The following ARHGDIG variants were observed in gnomAD, a reference collection of about 807,000 sequenced individuals.
ARHGDIG encodes the protein rho GDP-dissociation inhibitor 3.
ARHGDIG carries 14 observed loss-of-function variants against 20.2 expected under a neutral mutation model. The ratio of observed to expected loss-of-function variants is 0.69; its 90% confidence interval spans 0.46 to 1.08. The LOEUF is 1.08. ARHGDIG is among the 50% of genes least tolerant of loss of function. The pLI, the probability that ARHGDIG is intolerant of heterozygous loss-of-function variation, is 0.00. For synonymous variants in ARHGDIG, 193 were observed against 138.6 expected (o/e 1.39, Z -2.76); for missense variants, 311 against 301.8 (o/e 1.03, Z -0.23).
Position 280,964 on chromosome 16 carries a change from C to T in ARHGDIG, c.73+211C>T, listed in dbSNP as rs1246336840. 8.3e-6 allele frequency: 2 copies of T among 239,588 alleles called. No individual in the cohort carries two copies. Among genetic ancestry groups the T allele is most frequent in the African/African-American group, 2.3e-5 (1 of 43,180 alleles). 14.8% of individuals were successfully genotyped at this position (239,588 alleles called of 1,614,324 possible). ...GACGGGTCGGCTTGGGAAGCGGCGG[C>T]GCTGGGACCCTCTCCCCCTGGACAC... is the stretch of plus-strand genomic sequence containing the variant. On this transcript the variant is annotated intron_variant, in intron 1 of 5. Transcript: ENST00000219409. The surrounding 1 kb of genome is among the most constrained non-coding windows in gnomAD (Gnocchi z 6.6).
At position 282,065 on chromosome 16, in the gene ARHGDIG, C is replaced by T. The variant is rs1011757083; in HGVS notation, c.294C>T (p.Leu98=). 1 of 1,612,862 alleles carries T rather than the reference C, an allele frequency of 6.2e-7. No homozygotes were observed. The highest frequency in any genetic ancestry group is 1.1e-5 in the South Asian group (1 of 91,080). The part of the protein sequence containing the change: ...LPNVQVTRLT[L]LSEQAPGPVV... ...ATGTGCAGGTGACCAGGCTGACACT[C>T]CTGTCGGAACAGGCTCCGGGGCCCG... Residue 98 remains leucine (L), a synonymous_variant, in exon 3 of 6, where the codon CTC becomes CTT. Coordinates refer to ENST00000219409, the MANE Select transcript of ARHGDIG (RefSeq NM_001176.4).
chr16:281,871 A>G lies in ARHGDIG; in HGVS notation c.199A>G (p.Arg67Gly), dbSNP rs1242401667. The change falls in exon 2 of 6, where the codon AGG (arginine) becomes GGG (glycine). Residue 67 changes from arginine (R) to glycine (G), a missense_variant. By Grantham distance (125) the Arg-to-Gly change is moderately radical. Coordinates refer to ENST00000219409, the MANE Select transcript of ARHGDIG (RefSeq NM_001176.4). ...LEIRQLDPDD[R>G]SLAKYKRVLL... ...GATCCGGCAGCTGGACCCGGACGAC[A>G]GGAGCCTGGCCAAGTACAAGCGGGT... 6.2e-7 allele frequency: 1 copy of G among 1,610,390 alleles called. No individual in the cohort carries two copies.
At position 282,913 on chromosome 16, in the gene ARHGDIG, C is replaced by T. The variant is rs1596938035; in HGVS notation, c.*99C>T. 8.9e-7 allele frequency: 1 copy of T among 1,124,706 alleles called. No homozygotes were observed. Among genetic ancestry groups the T allele is most frequent in the Non-Finnish European group, 1.2e-6 (1 of 822,824 alleles). The allele number at this position is 1,124,706 out of a possible 1,614,324, so 69.7% of individuals were successfully genotyped here. A position where few individuals can be genotyped will look rare whatever the true frequency, so the allele number is the denominator to read the frequency against. ...TGAGTGACCAGACCCTCCCCTGCTG[C>T]CCCTGCTGCCCCTGCTGCCCCTGCT... On this transcript the variant is annotated 3_prime_UTR_variant, in exon 6 of 6. Transcript: ENST00000219409.
Position 281,735 on chromosome 16 carries a change from C to A in ARHGDIG, c.74-11C>A. The A allele has an allele frequency of 6.4e-7, 1 of 1,568,664 alleles. No individual in the cohort carries two copies. The highest frequency in any genetic ancestry group is 2.4e-5 in the East Asian group (1 of 42,250). On this transcript the variant is annotated splice_polypyrimidine_tract_variant and intron_variant, in intron 1 of 5. Coordinates refer to ENST00000219409, the MANE Select transcript of ARHGDIG (RefSeq NM_001176.4). ...CTAGTGGCTGCTGCTCACGCCCCTCCCCACCCCCAGTCCTCCTGGCTGACA... is the reference window on the plus strand; with the variant it reads ...CTAGTGGCTGCTGCTCACGCCCCTCACCACCCCCAGTCCTCCTGGCTGACA...
chr16:280,843 C>A lies in ARHGDIG; in HGVS notation c.73+90C>A. ...CCCCCGCGGCAACTTTGGGGGCGCG[C>A]ATGGGGACCTCGCGGCGCCGACCCC... On this transcript the variant is annotated intron_variant, in intron 1 of 5. Transcript: ENST00000219409. The surrounding 1 kb of genome is among the most constrained non-coding windows in gnomAD (Gnocchi z 6.6). 1.2e-6 allele frequency: 1 copy of A among 838,654 alleles called. No individual in the cohort carries two copies. Among genetic ancestry groups the A allele is most frequent in the Non-Finnish European group, 1.5e-6 (1 of 659,930 alleles). The allele number at this position is 838,654 out of a possible 1,614,324, so 52.0% of individuals were successfully genotyped here. A position where few individuals can be genotyped will look rare whatever the true frequency, so the allele number is the denominator to read the frequency against.
Position 280,793 on chromosome 16 carries a change from C to A in ARHGDIG, c.73+40C>A. 8.1e-7 allele frequency: 1 copy of A among 1,232,302 alleles called. No homozygotes were observed. The highest frequency in any genetic ancestry group is 2.3e-5 in the South Asian group (1 of 42,970). 76.3% of individuals were successfully genotyped at this position (1,232,302 alleles called of 1,614,324 possible). On this transcript the variant is annotated intron_variant, in intron 1 of 5. Transcript: ENST00000219409. This position sits in a 1 kb window ranked among gnomAD's most constrained non-coding sequence, Gnocchi z 6.6. ...CAGGGGCGGGGGGCTCGGCTGGTCTCAGCCCCGGGCGGGGAGTAGCCCCTC... is the reference window on the plus strand; with the variant it reads ...CAGGGGCGGGGGGCTCGGCTGGTCTAAGCCCCGGGCGGGGAGTAGCCCCTC...
At chr16:281,532 G>A (rs560872355) in intron 1 of ARHGDIG, 23 of 535,744 alleles carry the variant, frequency 4.3e-5, no homozygotes, top group Middle Eastern at 5.0e-4. Context: ...CAGGCCTGGC[G>A]GTCTCTGGAG....
In ARHGDIG at chr16:281,808, C is replaced by T. The variant is rs2052287449; in HGVS notation, c.136C>T (p.Pro46Ser). The T allele has an allele frequency of 1.2e-6, 2 of 1,611,428 alleles. No individual in the cohort carries two copies. The change falls in exon 2 of 6, where the codon CCC (proline) becomes TCC (serine). Residue 46 changes from proline to serine, a missense_variant. Pro to Ser is a moderately conservative substitution (Grantham distance 74). Coordinates refer to ENST00000219409, the MANE Select transcript of ARHGDIG (RefSeq NM_001176.4). ...AVDEVLDEAV[P>S]EYRAPGRKSL... is the part of the protein sequence containing the mutation. ...GGACGAGGTGTTGGATGAGGCTGTG[C>T]CCGAGTACCGGGCGCCGGGGAGGAA...
In ARHGDIG at chr16:281,913, C is replaced by A. The variant is rs1445443888; in HGVS notation, c.241C>A (p.Pro81Thr). The A allele has an allele frequency of 6.2e-7, 1 of 1,605,304 alleles. No homozygotes were observed. Among genetic ancestry groups the A allele is most frequent in the Non-Finnish European group, 8.5e-7 (1 of 1,178,294 alleles). ...CAAGCGGGTGCTGCTGGGGCCCCTG[C>A]CACCGGCCGTGGGTATGGCAGGGGT... ...KYKRVLLGPLPPAVDPSLPNV... is the reference protein window; with the variant it reads ...KYKRVLLGPLTPAVDPSLPNV... The change falls in exon 2 of 6, where the codon CCA becomes ACA. Residue 81 changes from proline (P) to threonine (T), a missense_variant. By Grantham distance (38) the Pro-to-Thr change is conservative (BLOSUM62 -1). Transcript: ENST00000219409.
At position 282,685 on chromosome 16, in the gene ARHGDIG, G is replaced by A. The variant is rs1235288294; in HGVS notation, c.549G>A (p.Val183=). The A allele has an allele frequency of 6.2e-7, 1 of 1,602,282 alleles. No homozygotes were observed. Among genetic ancestry groups the A allele is most frequent in the Admixed American group, 1.7e-5 (1 of 59,230 alleles). ...AGGAGTATGAGTTTGTGACTCCGGTGGAGGAAGCGCCGAGGGGTGCGCTGG... is the reference window on the plus strand; with the variant it reads ...AGGAGTATGAGTTTGTGACTCCGGTAGAGGAAGCGCCGAGGGGTGCGCTGG... The part of the protein sequence containing the change: ...SAQEYEFVTP[V]EEAPRGALVR... Residue 183 remains valine (V), a synonymous_variant, in exon 6 of 6, where the codon GTG becomes GTA. Transcript: ENST00000219409.
rs777858497 is a variant in ARHGDIG at position 282,311 on chromosome 16, C to T, written c.352C>T (p.Leu118=). 2.2e-5 allele frequency: 35 copies of T among 1,613,236 alleles called. No homozygotes were observed. The Admixed American group carries it at 2.3e-4, about 11-fold the overall frequency. ...TTCCCCAATAGGGGACCTGGCTGTT[C>T]TGAAGGACCAGGTGTTTGTCCTGAA... ...VMDLTGDLAV[L]KDQVFVLKEG... The change falls in exon 4 of 6, where the codon CTG becomes TTG. Residue 118 remains leucine, a synonymous_variant. Coordinates refer to ENST00000219409, the MANE Select transcript of ARHGDIG (RefSeq NM_001176.4).
rs140706640 is a variant in ARHGDIG at position 282,625 on chromosome 16, C to T, written c.489C>T (p.Thr163=). 94 of 1,596,434 alleles carry T rather than the reference C, an allele frequency of 5.9e-5. No individual in the cohort carries two copies. The highest frequency in any genetic ancestry group is 2.5e-4 in the African/African-American group (19 of 74,684). The change falls in exon 6 of 6, where the codon ACC becomes ACT. Residue 163 remains threonine (T), a synonymous_variant. Transcript: ENST00000219409. ...CCTCGCCCTCCCTAGTGGACAAGAC[C>T]GTCTACATGGTGGGCAGCTATGGCC... ...TYRRGLRVDK[T]VYMVGSYGPS...
At position 282,903 on chromosome 16, in the gene ARHGDIG, T is replaced by TCCCCTGCTGCCCCTGCTGCCCCTGCTG. The variant is rs147027565; in HGVS notation, c.*98_*124dup. 8.4e-6 allele frequency: 11 copies of TCCCCTGCTGCCCCTGCTGCCCCTGCTG among 1,302,534 alleles called. No homozygotes were observed. In the South Asian group the frequency reaches 8.5e-5, roughly 10 times the overall value. The allele number at this position is 1,302,534 out of a possible 1,614,324, so 80.7% of individuals were successfully genotyped here. A position where few individuals can be genotyped will look rare whatever the true frequency, so the allele number is the denominator to read the frequency against. ...GCACCCCCCGTGAGTGACCAGACCC[T>TCCCCTGCTGCCCCTGCTGCCCCTGCTG]CCCCTGCTGCCCCTGCTGCCCCTGC... On this transcript the variant is annotated 3_prime_UTR_variant, in exon 6 of 6. Coordinates refer to ENST00000219409, the MANE Select transcript of ARHGDIG (RefSeq NM_001176.4).
intron 5 of ARHGDIG, 41 bp from the exon 6 acceptor site, chr16:282,574 G>A (rs368770509): frequency 1.9e-4 from 295 of 1,555,926 alleles, no homozygotes; most frequent in Non-Finnish European, 2.3e-4. Flanking sequence ...GGGGAAGCGG[G>A]GGCAGACAGA....
intron 1 of ARHGDIG, chr16:281,386 G>T (rs2052281119): frequency 4.7e-6 from 1 of 210,762 alleles, no homozygotes; most frequent in Non-Finnish European, 9.5e-6. Context: ...GTAGGTTTGG[G>T]GGCCGCCGAG....
At chr16:282,417 A>G (rs773993072) in intron 4 of ARHGDIG, 44 bp downstream of exon 4, 1 of 1,612,074 alleles carries the variant, frequency 6.2e-7, no homozygotes, top group Non-Finnish European at 8.5e-7. Context: ...GGTGGGGGCA[A>G]CAGCCAGAGG....
intron 4 of ARHGDIG, 34 bp from the exon 5 acceptor site, chr16:282,433 C>T: frequency 6.2e-7 from 1 of 1,612,098 alleles, no homozygotes; most frequent in Non-Finnish European, 8.5e-7. Context: ...AGAGGCCTGG[C>T]CCCCAGAGGA....
Position 282,910 on chromosome 16 carries a change from C to T in ARHGDIG, c.*96C>T. 1.0e-6 allele frequency: 1 copy of T among 977,268 alleles called. No homozygotes were observed. Among genetic ancestry groups the T allele is most frequent in the Non-Finnish European group, 1.4e-6 (1 of 701,018 alleles). The allele number at this position is 977,268 out of a possible 1,614,324, so 60.5% of individuals were successfully genotyped here. ...CCGTGAGTGACCAGACCCTCCCCTG[C>T]TGCCCCTGCTGCCCCTGCTGCCCCT... On this transcript the variant is annotated 3_prime_UTR_variant, in exon 6 of 6. Coordinates refer to ENST00000219409, the MANE Select transcript of ARHGDIG (RefSeq NM_001176.4).
chr16:282,115 C>G lies in ARHGDIG; in HGVS notation c.337+7C>G. ...GTCGTCATGGATCTCACAGGTAACT[C>G]GCAGGATGCTGCACCCTGAACACAG... On this transcript the variant is annotated splice_region_variant and intron_variant, in intron 3 of 5. Coordinates refer to ENST00000219409, the MANE Select transcript of ARHGDIG (RefSeq NM_001176.4). 1.9e-6 allele frequency: 3 copies of G among 1,612,834 alleles called. No individual in the cohort carries two copies. Among genetic ancestry groups the G allele is most frequent in the Non-Finnish European group, 2.5e-6 (3 of 1,179,908 alleles).
Sources: allele counts gnomAD v4.1 joint callset, GRCh38; gene constraint gnomAD v4.1.1; non-coding constraint Gnocchi (gnomAD v3.1); transcripts MANE v1.5; gene names NCBI Gene and HGNC (gene_info 2026-07-23, HGNC 2026-07-21).